Variants in SCN10A observed in about 807,000 individuals in gnomAD.
SCN10A encodes sodium voltage-gated channel alpha subunit 10, also known as sodium channel protein type 10 subunit alpha.
Under a neutral mutation model 170.7 loss-of-function variants are expected in SCN10A, and 162 were observed. That is an observed-to-expected ratio of 0.95 (90% CI 0.84 to 1.08). The LOEUF (loss-of-function observed/expected upper bound fraction) is 1.08. Among genes scored for constraint, SCN10A ranks in the 50% least tolerant of loss-of-function variants. SCN10A has a pLI of 0.00. For synonymous variants in SCN10A, 985 were observed against 904.6 expected (o/e 1.09, Z -1.59); for missense variants, 2,527 against 2,436.9 (o/e 1.04, Z -0.78).
intron 15 of SCN10A, among the ~76,000 whole-genome samples, chr3:38,737,213 G>T (rs962629525): frequency 6.7e-6 from 1 of 149,666 alleles, no homozygotes; most frequent in African/African-American, 2.5e-5. Context: ...CTTGTGATCC[G>T]CCTGCCTCGG....
rs746031362 is a variant in SCN10A, at chr3:38,728,904, G to A, written c.2281-3C>T. 7 of 1,600,424 alleles carry A rather than the reference G, an allele frequency of 4.4e-6. No homozygotes were observed. Among genetic ancestry groups the A allele is most frequent in the Middle Eastern group, 1.7e-4 (1 of 5,992 alleles). On this transcript the variant is annotated splice_polypyrimidine_tract_variant and splice_region_variant and intron_variant, in intron 15 of 27. Transcript: ENST00000449082. ...TTGGCCAGCTTGAATACGCGCAGCT[G>A]CAGAGAAACAGAGACCGTCAGGTTT... is the stretch of plus-strand genomic sequence containing the variant.
chr3:38,752,319 C>T lies in SCN10A; in HGVS notation c.1655G>A (p.Ser552Asn). The T allele has an allele frequency of 6.2e-7, 1 of 1,612,020 alleles. No homozygotes were observed. Residue 552 changes from serine to asparagine, a missense_variant, in exon 12 of 28, where the codon AGC becomes AAC. Coordinates refer to ENST00000449082, the MANE Select transcript of SCN10A (RefSeq NM_006514.4). Reference sequence around the variant, plus strand: ...AGGGTTGCTGGGTTGAGGAAGAGGGCTTCTAGGGAGGGGGCCTTGCTGGCC... The same window carrying T: ...AGGGTTGCTGGGTTGAGGAAGAGGGTTTCTAGGGAGGGGGCCTTGCTGGCC... Reference protein sequence around the residue: ...GAGQQGPLPRSPLPQPSNPDS... With the variant: ...GAGQQGPLPRNPLPQPSNPDS...
intron 12 of SCN10A, among the ~76,000 whole-genome samples, chr3:38,751,900 A>G (rs779872969): frequency 3.3e-5 from 5 of 152,188 alleles, no homozygotes; most frequent in Non-Finnish European, 5.9e-5. Context: ...TACCTGTCCA[A>G]CAAGAAAGCA....
At chr3:38,744,116 T>A (rs2063662078) in intron 13 of SCN10A, among the ~76,000 whole-genome samples, 1 of 152,198 alleles carries the variant, frequency 6.6e-6, no homozygotes, top group South Asian at 2.1e-4. Context: ...ATGAGGCAGA[T>A]TTATTTGTGG....
At chr3:38,756,095 G>A in intron 10 of SCN10A, 137 bp from the exon 11 acceptor site, 1 of 896,506 alleles carries the variant, frequency 1.1e-6, no homozygotes, top group South Asian at 1.6e-5. Flanking sequence ...GTGGTGGTGG[G>A]ATTAGGCCAT....
intron 17 of SCN10A, 49 bp from the exon 18 acceptor site, chr3:38,725,363 C>A: frequency 6.6e-7 from 1 of 1,505,936 alleles, no homozygotes. Flanking sequence ...CCTTAGATGA[C>A]CAGTTCTAAA....
chr3:38,718,225 C>T (rs9311196), intron 21 of SCN10A, among the ~76,000 whole-genome samples: 10,797 of 152,202 alleles, frequency 0.071, 1,090 homozygotes, highest in African/African-American at 0.22. Context: ...TTTCATAGCT[C>T]CCCAGGTGAT....
In SCN10A at chr3:38,793,743, G is replaced by A. The variant is rs144270136; in HGVS notation, c.268C>T (p.Arg90Trp). ...EDLDPFYSTH[R>W]TFMVLNKGRT... ...ACATTCCTACTAGTAGCTCTTACCC[G>A]GTGTGTGCTGTAGAACGGATCTAGA... Residue 90 changes from arginine (R) to tryptophan (W), a missense_variant and splice_region_variant, in exon 2 of 28, where the codon CGG becomes TGG. Arg to Trp is a moderately radical substitution (Grantham distance 101). Coordinates refer to ENST00000449082, the MANE Select transcript of SCN10A (RefSeq NM_006514.4). The A allele has an allele frequency of 7.6e-4, 1,221 of 1,612,760 alleles. 24 individuals are homozygous for A. The East Asian group carries it at 0.023, about 30-fold the overall frequency.
chr3:38,768,282 T>C (rs2126038305), intron 5 of SCN10A, among the ~76,000 whole-genome samples: 1 of 152,264 alleles, frequency 6.6e-6, no homozygotes, highest in East Asian at 1.9e-4. Flanking sequence ...CTATTCATTA[T>C]GCTAGTTATT....
intron 17 of SCN10A, among the ~76,000 whole-genome samples, chr3:38,726,132 T>A (rs2063451944): frequency 6.6e-6 from 1 of 152,224 alleles, no homozygotes; most frequent in Admixed American, 6.5e-5. Context: ...ATGGCTCAAA[T>A]GTGCTTTAAA....
At chr3:38,709,365 T>C (rs1306251815) in intron 25 of SCN10A, 113 bp downstream of exon 25, 6 of 1,074,134 alleles carry the variant, frequency 5.6e-6, no homozygotes, top group Non-Finnish European at 8.0e-6. Flanking sequence ...GATATTAAAG[T>C]GATGGGCTGT....
At chr3:38,785,718 T>G (rs752912874) in intron 4 of SCN10A, among the ~76,000 whole-genome samples, 14 of 152,122 alleles carry the variant, frequency 9.2e-5, no homozygotes, top group Non-Finnish European at 1.5e-4. Context: ...GGAGAAAATT[T>G]TTGCAATCTA....
chr3:38,712,188 T>C lies in SCN10A; in HGVS notation c.4062A>G (p.Ala1354=), dbSNP rs762086376. ...VNVKVNFDNV[A]MGYLALLQVA... is the part of the protein sequence containing the mutation. ...CCTGCAGAAGTGCAAGGTAACCCAT[T>C]GCAACATTATCAAAGTTGACTTTCA... Residue 1354 remains alanine, a synonymous_variant, in exon 23 of 28, where the codon GCA becomes GCG. Transcript: ENST00000449082. 6.2e-7 allele frequency: 1 copy of C among 1,614,200 alleles called. No individual in the cohort carries two copies. The highest frequency in any genetic ancestry group is 8.5e-7 in the Non-Finnish European group (1 of 1,180,026).
chr3:38,743,717 T>C (rs565793009), intron 13 of SCN10A, among the ~76,000 whole-genome samples: 16 of 152,318 alleles, frequency 1.1e-4, no homozygotes, highest in African/African-American at 3.8e-4. Context: ...CTTTTCACTT[T>C]CTGTTTTTGT....
At chr3:38,739,158 G>A (rs1264861406) in intron 15 of SCN10A, among the ~76,000 whole-genome samples, 1 of 152,192 alleles carries the variant, frequency 6.6e-6, no homozygotes, top group Admixed American at 6.5e-5. Flanking sequence ...AAAATGAGGT[G>A]CGTTTTTTCA....
At chr3:38,787,423 T>C (rs962910545) in intron 4 of SCN10A, among the ~76,000 whole-genome samples, 1 of 152,178 alleles carries the variant, frequency 6.6e-6, no homozygotes, top group Non-Finnish European at 1.5e-5. Flanking sequence ...TAGGTTATGT[T>C]GGATATTTTA....
At chr3:38,738,754 A>G (rs906645415) in intron 15 of SCN10A, among the ~76,000 whole-genome samples, 1 of 151,842 alleles carries the variant, frequency 6.6e-6, no homozygotes, top group African/African-American at 2.4e-5. Flanking sequence ...AGACCTAGTG[A>G]CCCGACACTC....
At chr3:38,723,673 C>T in intron 18 of SCN10A, 120 bp from the exon 19 acceptor site, 1 of 1,202,716 alleles carries the variant, frequency 8.3e-7, no homozygotes, top group Admixed American at 2.2e-5. Context: ...AGGCCTGGAA[C>T]ACTGCTCTTC....
chr3:38,756,975 C>G, intron 9 of SCN10A, 43 bp downstream of exon 9: 1 of 1,603,072 alleles, frequency 6.2e-7, no homozygotes, highest in South Asian at 1.1e-5. Context: ...AGCTGACCCA[C>G]CAGCCTCCAA....
Sources: allele counts gnomAD v4.1 joint callset (sites outside exome capture counted in the v4.1 genomes callset), GRCh38; gene constraint gnomAD v4.1.1; transcripts MANE v1.5; gene names NCBI Gene and HGNC (gene_info 2026-07-23, HGNC 2026-07-21).